Variants in MYT1L observed in about 807,000 individuals in gnomAD.
MYT1L encodes myelin transcription factor 1 like.
In MYT1L, 12 loss-of-function variants were observed where a neutral mutation model predicts 126.7. The observed-to-expected ratio is 0.09, with a 90% confidence interval of 0.06 to 0.15. MYT1L has a LOEUF of 0.15. Among genes scored for constraint, MYT1L ranks in the 10% least tolerant of loss-of-function variants. The pLI is 1.00. For missense variants in MYT1L, 979 were observed against 1,585.2 expected (o/e 0.62, Z 6.49); for synonymous variants, 541 against 604.2 (o/e 0.90, Z 1.53).
chr2:2,007,939 C>T (rs561519165), intron 4 of MYT1L, among the ~76,000 whole-genome samples: 1 of 152,290 alleles, frequency 6.6e-6, no homozygotes, highest in East Asian at 1.9e-4. Context: ...GGAGAGGAGC[C>T]TGAATTCTGC....
At chr2:1,880,625 A>G (rs949740879) in intron 18 of MYT1L, among the ~76,000 whole-genome samples, 1 of 152,236 alleles carries the variant, frequency 6.6e-6, no homozygotes, top group African/African-American at 2.4e-5. Flanking sequence ...TTTTGTACAC[A>G]GTTGTTGTCA....
chr2:2,159,728 C>A (rs537855984), intron 3 of MYT1L, among the ~76,000 whole-genome samples: 1 of 152,018 alleles, frequency 6.6e-6, no homozygotes, highest in Non-Finnish European at 1.5e-5. Context: ...TTAAAGCCCT[C>A]GCAGCCTTCG....
At chr2:2,121,234 C>G (rs752382957) in intron 3 of MYT1L, among the ~76,000 whole-genome samples, 27 of 151,908 alleles carry the variant, frequency 1.8e-4, no homozygotes, top group Non-Finnish European at 3.4e-4. Flanking sequence ...TGCAACGGCG[C>G]GGTCTCGGCT....
chr2:1,963,510 C>T (rs940833903), intron 8 of MYT1L, among the ~76,000 whole-genome samples: 4 of 152,218 alleles, frequency 2.6e-5, no homozygotes, highest in African/African-American at 4.8e-5. Flanking sequence ...TCCTCTCCAG[C>T]TATGGAATTC....
chr2:1,850,366 AGCT>A (rs1374473135), intron 19 of MYT1L, among the ~76,000 whole-genome samples: 2 of 152,102 alleles, frequency 1.3e-5, no homozygotes, highest in Non-Finnish European at 2.9e-5. Flanking sequence ...GAAAGGGAGC[AGCT>A]ACCTTACAAC....
intron 21 of MYT1L, among the ~76,000 whole-genome samples, chr2:1,836,327 T>G (rs1282377109): frequency 7.6e-6 from 1 of 132,378 alleles, no homozygotes; most frequent in African/African-American, 3.0e-5. Flanking sequence ...TCCATCAACG[T>G]GCACTCCAAG....
rs1242676837 is a variant in MYT1L, at chr2:2,129,761, C to T, written c.-304+43111G>A. 3.3e-5 allele frequency among the ~76,000 whole-genome samples: 5 copies of T among 152,134 alleles called. No homozygotes were observed. In the East Asian group the frequency reaches 9.7e-4, roughly 29 times the overall value. ...CTCTACTAAAAATACAAAAAATTAGCCAGGTGTGGTGGCGGGCGCCTGTAG... is the reference window on the plus strand; with the variant it reads ...CTCTACTAAAAATACAAAAAATTAGTCAGGTGTGGTGGCGGGCGCCTGTAG... On this transcript the variant is annotated intron_variant, in intron 3 of 24. Coordinates refer to ENST00000647738, the MANE Select transcript of MYT1L (RefSeq NM_001303052.2).
intron 3 of MYT1L, among the ~76,000 whole-genome samples, chr2:2,099,185 C>T (rs1384527450): frequency 2.0e-5 from 3 of 152,072 alleles, no homozygotes. Context: ...TGATCAGTCC[C>T]AGAATGTAAG....
At chr2:2,039,240 T>C (rs1190404819) in intron 4 of MYT1L, among the ~76,000 whole-genome samples, 3 of 152,118 alleles carry the variant, frequency 2.0e-5, no homozygotes, top group Admixed American at 2.0e-4. Flanking sequence ...GACTATTTTA[T>C]AAACATTCTA....
chr2:2,135,225 T>C (rs1226126405), intron 3 of MYT1L, among the ~76,000 whole-genome samples: 1 of 152,194 alleles, frequency 6.6e-6, no homozygotes, highest in Non-Finnish European at 1.5e-5. Context: ...AATTGAATCA[T>C]GGAGGTGGGT....
At chr2:2,156,872 G>C (rs55665667) in intron 3 of MYT1L, among the ~76,000 whole-genome samples, 2 of 152,200 alleles carry the variant, frequency 1.3e-5, no homozygotes, top group Non-Finnish European at 2.9e-5. Flanking sequence ...GGGAGGTCTC[G>C]AGGGAGACTG....
intron 23 of MYT1L, among the ~76,000 whole-genome samples, chr2:1,801,000 C>T (rs375776644): frequency 6.6e-6 from 1 of 152,126 alleles, no homozygotes; most frequent in African/African-American, 2.4e-5. Flanking sequence ...TGTACTTCGG[C>T]GGGACCCTAA....
intron 3 of MYT1L, among the ~76,000 whole-genome samples, chr2:2,138,178 A>C (rs1186959553): frequency 6.6e-6 from 1 of 152,110 alleles, no homozygotes; most frequent in African/African-American, 2.4e-5. Flanking sequence ...GGCAATCATT[A>C]AAAAGTCAGG....
At chr2:1,796,738 T>C (rs1410714455) in intron 23 of MYT1L, among the ~76,000 whole-genome samples, 1 of 152,154 alleles carries the variant, frequency 6.6e-6, no homozygotes, top group Admixed American at 6.5e-5. Context: ...TTCCTGTGCC[T>C]GGAGTGCTCC....
chr2:1,979,714 C>T lies in MYT1L; in HGVS notation c.55+9G>A, dbSNP rs200487765. ...GCCGGCCTCAGGATGCAGGGAAGCG[C>T]GGACATACCTCGAACCCCTTTGGAC... On this transcript the variant is annotated intron_variant, in intron 6 of 24. Coordinates refer to ENST00000647738, the MANE Select transcript of MYT1L (RefSeq NM_001303052.2). The surrounding 1 kb of genome is among the most constrained non-coding windows in gnomAD (Gnocchi z 4.0). 2.3e-5 allele frequency: 37 copies of T among 1,613,858 alleles called. No homozygotes were observed. Among genetic ancestry groups the T allele is most frequent in the African/African-American group, 6.7e-5 (5 of 74,924 alleles).
chr2:1,890,160 C>T (rs369583917), intron 15 of MYT1L, among the ~76,000 whole-genome samples: 2 of 151,852 alleles, frequency 1.3e-5, no homozygotes, highest in South Asian at 2.1e-4. Flanking sequence ...ACCTCCACCT[C>T]CCAGGTTCAA....
At chr2:1,888,530 C>T (rs1228599876) in intron 16 of MYT1L, among the ~76,000 whole-genome samples, 2 of 152,090 alleles carry the variant, frequency 1.3e-5, no homozygotes, top group Non-Finnish European at 2.9e-5. Context: ...GGTGGTCTCT[C>T]TATTGTACTA....
At chr2:1,794,690 T>C (rs1052159988) in intron 23 of MYT1L, among the ~76,000 whole-genome samples, 1 of 152,196 alleles carries the variant, frequency 6.6e-6, no homozygotes. Flanking sequence ...TATCTTCCTA[T>C]GTTCAGGAAT....
At chr2:2,168,945 ACTT>A (rs2148507758) in intron 3 of MYT1L, among the ~76,000 whole-genome samples, 1 of 152,302 alleles carries the variant, frequency 6.6e-6, no homozygotes, top group South Asian at 2.1e-4. Context: ...ACCTCTGTCC[ACTT>A]CTTATTTTAA....
Sources: gnomAD v4.1 joint callset for allele counts (sites outside exome capture counted in the v4.1 genomes callset) on GRCh38, gnomAD v4.1.1 for gene constraint, Gnocchi (gnomAD v3.1) non-coding constraint, MANE v1.5 for transcripts, NCBI Gene and HGNC (gene_info 2026-07-23, HGNC 2026-07-21) for gene names.